Variants in PCDHA11 observed in about 807,000 individuals in gnomAD.
PCDHA11 encodes the protein protocadherin alpha-11.
In PCDHA11, 61 loss-of-function variants were observed where a neutral mutation model predicts 70.3. The ratio of observed to expected loss-of-function variants is 0.87; its 90% CI spans 0.71 to 1.07. The LOEUF (loss-of-function observed/expected upper bound fraction) is 1.07. PCDHA11 is among the 50% of genes least tolerant of loss of function. The pLI is 0.00. For synonymous variants in PCDHA11, 633 were observed against 555.1 expected (o/e 1.14, Z -1.97); for missense variants, 1,324 against 1,237.5 (o/e 1.07, Z -1.05).
intron 1 of PCDHA11, among the ~76,000 whole-genome samples, chr5:140,895,293 G>A (rs759197253): frequency 5.9e-5 from 9 of 151,430 alleles, no homozygotes; most frequent in African/African-American, 9.7e-5. Flanking sequence ...TAGGACCTTC[G>A]ATTTCCCCCC....
intron 1 of PCDHA11, among the ~76,000 whole-genome samples, chr5:140,947,415 G>C (rs116670354): frequency 0.021 from 3,167 of 151,674 alleles, 64 homozygotes; most frequent in Admixed American, 0.045. Flanking sequence ...TGATATTGTA[G>C]CTTTATAAAT....
At chr5:140,969,522 T>C in intron 1 of PCDHA11, 5 of 1,397,290 alleles carry the variant, frequency 3.6e-6, no homozygotes, top group Non-Finnish European at 4.7e-6. Context: ...AAGAATTGTT[T>C]TATTTTTCAT....
At chr5:140,931,373 C>T (rs1290408788) in intron 1 of PCDHA11, among the ~76,000 whole-genome samples, 1 of 151,646 alleles carries the variant, frequency 6.6e-6, no homozygotes, top group Non-Finnish European at 1.5e-5. Context: ...TTTCACTAGA[C>T]TAGAAAGGAA....
At chr5:140,979,820 T>A (rs937223402) in intron 2 of PCDHA11, among the ~76,000 whole-genome samples, 19 of 152,198 alleles carry the variant, frequency 1.2e-4, no homozygotes, top group African/African-American at 4.6e-4. Context: ...AGGATTTAAT[T>A]TTAAAGAAGA....
intron 1 of PCDHA11, chr5:140,967,572 A>G: frequency 6.2e-7 from 1 of 1,613,544 alleles, no homozygotes; most frequent in Non-Finnish European, 8.5e-7. Flanking sequence ...CTACGGGAGG[A>G]CTCACCCCCA....
chr5:140,951,176 A>G (rs1392502599), intron 1 of PCDHA11, among the ~76,000 whole-genome samples: 1 of 151,676 alleles, frequency 6.6e-6, no homozygotes, highest in Non-Finnish European at 1.5e-5. Context: ...CTTTAAAGTC[A>G]TTGTCCGCTA....
chr5:140,978,652 C>T (rs555324579), intron 1 of PCDHA11, among the ~76,000 whole-genome samples: 2 of 152,320 alleles, frequency 1.3e-5, no homozygotes, highest in East Asian at 1.9e-4. Flanking sequence ...CTGTTCTTCC[C>T]GTAGTGTTTT....
In PCDHA11 at chr5:140,967,564, A is replaced by G. The variant is rs1554229677; in HGVS notation, c.2392-11385A>G. Reference sequence around the variant, plus strand: ...ACCAGTCCACTTATCGCGTCCAGCTACGGGAGGACTCACCCCCAGGCACAT... The same window carrying G: ...ACCAGTCCACTTATCGCGTCCAGCTGCGGGAGGACTCACCCCCAGGCACAT... On this transcript the variant is annotated intron_variant, in intron 1 of 3. Coordinates refer to ENST00000398640, the MANE Select transcript of PCDHA11 (RefSeq NM_018902.5). 10 of 1,614,070 alleles carry G rather than the reference A, an allele frequency of 6.2e-6. No individual in the cohort carries two copies. The Middle Eastern group carries it at 4.9e-4, about 80-fold the overall frequency.
intron 1 of PCDHA11, among the ~76,000 whole-genome samples, chr5:140,931,209 A>G (rs1554208285): frequency 6.6e-6 from 1 of 152,184 alleles, no homozygotes; most frequent in African/African-American, 2.4e-5. Flanking sequence ...CTAGTATTTC[A>G]GGTATCAGAG....
intron 3 of PCDHA11, among the ~76,000 whole-genome samples, chr5:141,002,971 T>C (rs138459473): frequency 6.6e-6 from 1 of 152,274 alleles, no homozygotes; most frequent in African/African-American, 2.4e-5. Flanking sequence ...TTCCTGAAAA[T>C]AGTATCCTTG....
rs782025005 is a variant in PCDHA11 at position 140,982,513 on chromosome 5, G to C, written c.2489G>C (p.Gly830Ala). 83 of 1,614,076 alleles carry C rather than the reference G, an allele frequency of 5.1e-5. No homozygotes were observed. The highest frequency in any genetic ancestry group is 6.4e-5 in the Non-Finnish European group (75 of 1,180,040). ...GAGGAGGCTGGCATTCTACGGGCTG[G>C]TCCAGGAGGGCCTGATCAGCAGTGG... The part of the protein sequence containing the change: ...HLEEAGILRA[G>A]PGGPDQQWPT... The change falls in exon 3 of 4, where the codon GGT becomes GCT. Residue 830 changes from glycine (G) to alanine (A), a missense_variant. Transcript: ENST00000398640.
chr5:141,009,545 A>G, intron 3 of PCDHA11, 82 bp from the exon 4 acceptor site: 2 of 1,535,938 alleles, frequency 1.3e-6, no homozygotes, highest in Non-Finnish European at 1.8e-6. Flanking sequence ...CTGCCTATGC[A>G]GTACTCCTGT....
intron 1 of PCDHA11, among the ~76,000 whole-genome samples, chr5:140,960,872 AAT>A (rs2095576865): frequency 6.6e-6 from 1 of 152,232 alleles, no homozygotes; most frequent in Admixed American, 6.5e-5. Flanking sequence ...AATTAGCTGA[AAT>A]ACACACTAAT....
intron 1 of PCDHA11, chr5:140,875,402 CT>C (rs2055455404): frequency 6.7e-7 from 1 of 1,488,754 alleles, no homozygotes; most frequent in African/African-American, 1.4e-5. Flanking sequence ...AGGGTGACTG[CT>C]CATAAAATAC....
intron 1 of PCDHA11, among the ~76,000 whole-genome samples, chr5:140,947,506 A>C (rs1034178009): frequency 6.6e-6 from 1 of 151,700 alleles, no homozygotes; most frequent in Non-Finnish European, 1.5e-5. Flanking sequence ...TTAAATTTTC[A>C]TATAAATTTT....
At chr5:140,874,647 G>T (rs2055047919) in intron 1 of PCDHA11, among the ~76,000 whole-genome samples, 1 of 152,200 alleles carries the variant, frequency 6.6e-6, no homozygotes, top group Non-Finnish European at 1.5e-5. Context: ...ACTTTTGCTA[G>T]AGTAAAACTT....
intron 1 of PCDHA11, chr5:140,966,810 G>C (rs1290992432): frequency 3.2e-6 from 5 of 1,548,566 alleles, no homozygotes; most frequent in Non-Finnish European, 4.3e-6. Context: ...GAGCATCCAC[G>C]GCTCCGGCGG....
chr5:140,967,226 C>T, intron 1 of PCDHA11: 1 of 1,613,746 alleles, frequency 6.2e-7, no homozygotes, highest in Non-Finnish European at 8.5e-7. Flanking sequence ...GCCCAACTAC[C>T]AGCTTCAGGT....
At chr5:140,902,473 T>A (rs2069483138) in intron 1 of PCDHA11, among the ~76,000 whole-genome samples, 1 of 152,208 alleles carries the variant, frequency 6.6e-6, no homozygotes, top group African/African-American at 2.4e-5. Context: ...CTTTGAGTTT[T>A]TGCCTGCTCA....
Sources: allele counts gnomAD v4.1 joint callset (sites outside exome capture counted in the v4.1 genomes callset), GRCh38; gene constraint gnomAD v4.1.1; transcripts MANE v1.5; gene names NCBI Gene and HGNC (gene_info 2026-07-23, HGNC 2026-07-21).